Variants in SCARA5 observed in about 807,000 individuals in gnomAD.
SCARA5 encodes scavenger receptor class A, member 5 (putative).
SCARA5 carries 45 observed loss-of-function variants against 46.3 expected under a neutral mutation model. The ratio of observed to expected loss-of-function variants is 0.97; its 90% CI spans 0.76 to 1.24. SCARA5 has a LOEUF of 1.24. Ranked by LOEUF, SCARA5 falls within the 50% of genes most tolerant of loss-of-function variation. The probability of loss-of-function intolerance (pLI) is 0.00; values close to 1 mark genes in which losing one functional copy is unlikely to be tolerated. For synonymous variants in SCARA5, 333 were observed against 306.5 expected, an observed-to-expected ratio of 1.09 and a Z score of -0.90; for missense variants, 680 against 689.0, an observed-to-expected ratio of 0.99 and a Z score of 0.15.
intron 3 of SCARA5, among the ~76,000 whole-genome samples, chr8:27,937,932 C>T (rs1807883166): frequency 6.6e-6 from 1 of 152,212 alleles, no homozygotes; most frequent in South Asian, 2.1e-4. Context: ...TCTCCAAATA[C>T]AGTCACATGC....
At chr8:27,873,579 A>G (rs1245867918) in intron 8 of SCARA5, among the ~76,000 whole-genome samples, 2 of 151,548 alleles carry the variant, frequency 1.3e-5, no homozygotes, top group African/African-American at 2.4e-5. Flanking sequence ...ACCCCCTTTA[A>G]CTGTAATTTT....
At chr8:27,986,484 G>A (rs770225828) in intron 2 of SCARA5, among the ~76,000 whole-genome samples, 16 of 152,106 alleles carry the variant, frequency 1.1e-4, no homozygotes, top group Non-Finnish European at 1.9e-4. Flanking sequence ...CTGACACGTC[G>A]TGGATCCTCA....
chr8:27,907,233 C>T lies in SCARA5; in HGVS notation c.1011G>A (p.Glu337=). Residue 337 remains glutamate, a synonymous_variant, in exon 6 of 9, where the codon GAG becomes GAA. Transcript: ENST00000354914. ...GCCCGGGCAATCCTGGGGTACCTCTCTCCCCGGGCAGACCTGGGGAGAAAA... is the reference window on the plus strand; with the variant it reads ...GCCCGGGCAATCCTGGGGTACCTCTTTCCCCGGGCAGACCTGGGGAGAAAA... ...GLPGLRGLPG[E]RGTPGLPGPK... 6.2e-7 allele frequency: 1 copy of T among 1,613,208 alleles called. No individual in the cohort carries two copies.
At chr8:27,935,513 T>C (rs531600576) in intron 3 of SCARA5, among the ~76,000 whole-genome samples, 2 of 152,220 alleles carry the variant, frequency 1.3e-5, no homozygotes, top group Admixed American at 6.5e-5. Context: ...AGCAGGTCTC[T>C]AGGGTCTAGG....
intron 3 of SCARA5, among the ~76,000 whole-genome samples, chr8:27,950,434 C>T (rs549390501): frequency 2.6e-5 from 4 of 152,194 alleles, no homozygotes; most frequent in East Asian, 3.9e-4. Flanking sequence ...CCAGCCTGCA[C>T]GGCCAACTCT....
chr8:27,939,231 C>A lies in SCARA5; in HGVS notation c.242-16986G>T, dbSNP rs186678795. On this transcript the variant is annotated intron_variant, in intron 3 of 8. Transcript: ENST00000354914. ...AGGGACTTTTTGCACTCCACCACCC[C>A]AAACACCATGCCCCTTCTCCCTGCT... is the stretch of plus-strand genomic sequence containing the variant. Among the ~76,000 whole-genome samples, 463 of 152,320 alleles carry A rather than the reference C, an allele frequency of 3.0e-3. 2 individuals are homozygous for A. The highest frequency in any genetic ancestry group is 0.01 in the African/African-American group (422 of 41,568).
Position 27,902,500 on chromosome 8 carries a change from G to A in SCARA5, c.1153+2278C>T, listed in dbSNP as rs187268933. The stretch of plus-strand genomic sequence containing the variant: ...AGCATGGGGAACGCCCTGCTGGCTC[G>A]ACCTCCTCACTTGCTCTCTCAAGTC... On this transcript the variant is annotated intron_variant, in intron 7 of 8. Transcript: ENST00000354914. Among the ~76,000 whole-genome samples the A allele has an allele frequency of 2.3e-4, 35 of 152,288 alleles. No individual in the cohort carries two copies. In the East Asian group the frequency reaches 6.2e-3, roughly 27 times the overall value.
chr8:27,974,263 G>A (rs113264524), intron 2 of SCARA5, among the ~76,000 whole-genome samples: 7 of 152,302 alleles, frequency 4.6e-5, no homozygotes, highest in South Asian at 2.1e-4. Context: ...AACCATGAGC[G>A]AGTATTCCAG....
At chr8:27,974,381 T>A (rs1450137509) in intron 2 of SCARA5, among the ~76,000 whole-genome samples, 1 of 152,146 alleles carries the variant, frequency 6.6e-6, no homozygotes, top group Non-Finnish European at 1.5e-5. Flanking sequence ...CCCCCTCCCA[T>A]TTTAAAAGAA....
chr8:27,958,597 A>G (rs1291124634), intron 3 of SCARA5, among the ~76,000 whole-genome samples: 2 of 152,266 alleles, frequency 1.3e-5, no homozygotes, highest in East Asian at 3.8e-4. Flanking sequence ...TGGTTGGGAC[A>G]CTGGCTCCAA....
At chr8:27,916,547 T>A (rs1323400420) in intron 4 of SCARA5, among the ~76,000 whole-genome samples, 3 of 152,132 alleles carry the variant, frequency 2.0e-5, no homozygotes, top group African/African-American at 7.2e-5. Flanking sequence ...AGGAACTAGA[T>A]AAAGCTAGGG....
At chr8:27,989,129 CTTT>C (rs34929623) in intron 1 of SCARA5, among the ~76,000 whole-genome samples, 1,126 of 68,286 alleles carry the variant, frequency 0.016, 9 homozygotes, top group African/African-American at 0.066. Flanking sequence ...TTCTTTCTTT[CTTT>C]TTTTTTTTTT....
rs111579068 is a variant in SCARA5 at position 27,988,343 on chromosome 8, T to C, written c.-15-713A>G. Among the ~76,000 whole-genome samples the C allele has an allele frequency of 2.1e-3, 319 of 152,316 alleles. 5 individuals carry two copies. The East Asian group carries it at 0.023, about 11-fold the overall frequency. On this transcript the variant is annotated intron_variant, in intron 1 of 8. Transcript: ENST00000354914. ...TGCATGGCCCCCAGAGGCTGACTCA[T>C]TGGGTCTCTGGGTCTACGCCATGAT... is the stretch of plus-strand genomic sequence containing the variant.
Position 27,898,224 on chromosome 8 carries a change from G to A in SCARA5, c.1153+6554C>T, listed in dbSNP as rs1461735295. ...AAACCACTCACAGCATGGATTAATCGGAATTGAACTGTTTTCTGCACACAG... is the reference window on the plus strand; with the variant it reads ...AAACCACTCACAGCATGGATTAATCAGAATTGAACTGTTTTCTGCACACAG... On this transcript the variant is annotated intron_variant, in intron 7 of 8. Coordinates refer to ENST00000354914, the MANE Select transcript of SCARA5 (RefSeq NM_173833.6). Among the ~76,000 whole-genome samples, 5 of 144,644 alleles carry A rather than the reference G, an allele frequency of 3.5e-5. 1 individual carries two copies. The highest frequency in any genetic ancestry group is 4.7e-4 in the South Asian group (2 of 4,268). The allele number at this position is 144,644 out of a possible 152,430, so 94.9% of individuals were successfully genotyped here. A position where few individuals can be genotyped will look rare whatever the true frequency, so the allele number is the denominator to read the frequency against.
At chr8:27,972,032 C>A (rs769501778) in intron 2 of SCARA5, among the ~76,000 whole-genome samples, 2 of 152,078 alleles carry the variant, frequency 1.3e-5, no homozygotes, top group African/African-American at 4.8e-5. Flanking sequence ...AAAATAGATA[C>A]CTGGCTGGGC....
rs111374395 is a variant in SCARA5, at chr8:27,922,131, G to T, written c.356C>A (p.Ala119Glu). 4.4e-5 allele frequency: 71 copies of T among 1,606,494 alleles called. No individual in the cohort carries two copies. Among genetic ancestry groups the T allele is most frequent in the Admixed American group, 1.0e-4 (6 of 58,974 alleles). ...QLRLLQAPLQ[A>E]DLTEQVWKVQ... ...CTTCCACACCTGCTCCGTCAGGTCCGCTTGCAGCGGAGCCTGCAGCAGCCG... is the reference window on the plus strand; with the variant it reads ...CTTCCACACCTGCTCCGTCAGGTCCTCTTGCAGCGGAGCCTGCAGCAGCCG... The change falls in exon 4 of 9, where the codon GCG (alanine) becomes GAG (glutamate). Residue 119 changes from alanine to glutamate, a missense_variant. Coordinates refer to ENST00000354914, the MANE Select transcript of SCARA5 (RefSeq NM_173833.6).
chr8:27,916,845 T>TC (rs1198549824), intron 4 of SCARA5, among the ~76,000 whole-genome samples: 3 of 151,946 alleles, frequency 2.0e-5, no homozygotes, highest in East Asian at 1.9e-4. Context: ...AGTGTTTGCA[T>TC]CCCCCCCGAT....
intron 3 of SCARA5, among the ~76,000 whole-genome samples, chr8:27,955,131 G>T (rs1011617583): frequency 4.6e-5 from 7 of 152,134 alleles, no homozygotes; most frequent in African/African-American, 1.7e-4. Flanking sequence ...TCATCCAGGG[G>T]CTCCAGAGAC....
chr8:27,964,549 T>C (rs1423967769), intron 3 of SCARA5, among the ~76,000 whole-genome samples: 1 of 152,212 alleles, frequency 6.6e-6, no homozygotes, highest in Non-Finnish European at 1.5e-5. Context: ...AGCCTTTTTT[T>C]CATCATACTG....
Sources: allele counts gnomAD v4.1 joint callset (sites outside exome capture counted in the v4.1 genomes callset), GRCh38; gene constraint gnomAD v4.1.1; transcripts MANE v1.5; gene names NCBI Gene and HGNC (gene_info 2026-07-23, HGNC 2026-07-21).